ACOT12: variants seen among roughly 807,000 people sequenced by gnomAD.
ACOT12 encodes the protein acyl-CoA thioesterase 12.
A neutral mutation model predicts 67.7 loss-of-function variants in ACOT12; 51 were observed. That is an observed-to-expected ratio of 0.75 (90% CI 0.60 to 0.95). The LOEUF (loss-of-function observed/expected upper bound fraction) is 0.95, where lower values mean the gene tolerates loss of function less well. ACOT12 is among the 40% of genes least tolerant of loss of function. ACOT12 has a pLI of 0.00. For missense variants in ACOT12, 734 were observed against 708.1 expected (o/e 1.04, Z -0.41); for synonymous variants, 251 against 244.6 (o/e 1.03, Z -0.24).
At position 81,385,740 on chromosome 5, in the gene ACOT12, G is replaced by A; in HGVS notation, c.197+17C>T. On this transcript the variant is annotated intron_variant, in intron 2 of 14. Coordinates refer to ENST00000307624, the MANE Select transcript of ACOT12 (RefSeq NM_130767.3). ...CACAAACCCAGGAGAAAGGAGCCATGGAGCAATGTCACTTACCTAGCTGTC... is the reference window on the plus strand; with the variant it reads ...CACAAACCCAGGAGAAAGGAGCCATAGAGCAATGTCACTTACCTAGCTGTC... The A allele has an allele frequency of 6.2e-7, 1 of 1,613,314 alleles. No individual in the cohort carries two copies. The highest frequency in any genetic ancestry group is 1.1e-5 in the South Asian group (1 of 91,034).
chr5:81,332,728 T>C, intron 12 of ACOT12, 123 bp from the exon 13 acceptor site: 2 of 1,171,532 alleles, frequency 1.7e-6, no homozygotes, highest in Admixed American at 2.1e-5. Context: ...CACCTAATCA[T>C]CTCCCTAAAA....
intron 2 of ACOT12, among the ~76,000 whole-genome samples, chr5:81,378,151 G>A (rs1307366514): frequency 1.3e-5 from 2 of 152,226 alleles, no homozygotes; most frequent in Admixed American, 1.3e-4. Context: ...TAGACCAATG[G>A]AACAGAACAG....
chr5:81,330,817 G>A lies in ACOT12; in HGVS notation c.1515C>T (p.Cys505=). The change falls in exon 14 of 15, where the codon TGC becomes TGT. Residue 505 remains cysteine (C), a synonymous_variant. Transcript: ENST00000307624. ...FLIHAIDSNS[C]IVSYFNHMSA... is the part of the protein sequence containing the mutation. ...GCAGATGTTTCATCAAACTTACGATGCATGAATTGCTGTCAATAGCATGGA... is the reference window on the plus strand; with the variant it reads ...GCAGATGTTTCATCAAACTTACGATACATGAATTGCTGTCAATAGCATGGA... The A allele has an allele frequency of 6.2e-7, 1 of 1,613,402 alleles. No homozygotes were observed. Among genetic ancestry groups the A allele is most frequent in the Non-Finnish European group, 8.5e-7 (1 of 1,179,776 alleles).
At chr5:81,336,928 C>T (rs1759022729) in intron 11 of ACOT12, among the ~76,000 whole-genome samples, 1 of 152,184 alleles carries the variant, frequency 6.6e-6, no homozygotes, top group African/African-American at 2.4e-5. Flanking sequence ...TGATTATTTG[C>T]TTACACCATT....
the ACOT12 span, among the ~76,000 whole-genome samples, chr5:81,321,111 C>G: frequency 2.0e-5 from 3 of 152,142 alleles, no homozygotes; most frequent in Non-Finnish European, 4.4e-5. Flanking sequence ...CAAAATTCAG[C>G]AGAACGTGGT....
At chr5:81,387,789 C>T (rs1484638864) in intron 1 of ACOT12, among the ~76,000 whole-genome samples, 1 of 152,180 alleles carries the variant, frequency 6.6e-6, no homozygotes, top group Admixed American at 6.5e-5. Context: ...AAGTGATCCT[C>T]CTGCCTTGGC....
chr5:81,370,408 C>T (rs1760214007), intron 3 of ACOT12, among the ~76,000 whole-genome samples: 1 of 152,228 alleles, frequency 6.6e-6, no homozygotes, highest in Non-Finnish European at 1.5e-5. Flanking sequence ...TCCTAACCCC[C>T]AGTACCTTAG....
intron 1 of ACOT12, among the ~76,000 whole-genome samples, chr5:81,387,389 C>A (rs889272521): frequency 4.6e-5 from 7 of 152,110 alleles, no homozygotes; most frequent in Non-Finnish European, 8.8e-5. Flanking sequence ...TGAAACCTTG[C>A]AAATATATGC....
Position 81,332,553 on chromosome 5 carries a change from T to G in ACOT12, c.1315A>C (p.Thr439Pro). Residue 439 changes from threonine to proline, a missense_variant, in exon 13 of 15, where the codon ACC becomes CCC. Thr to Pro is a conservative substitution (Grantham distance 38, BLOSUM62 -1). Transcript: ENST00000307624. ...VSEDDQLYHITCPILNDDKPK... is the reference protein window; with the variant it reads ...VSEDDQLYHIPCPILNDDKPK... ...TTGTCATCATTCAGTATAGGACAGG[T>G]GATGTGATACAGCTGATCATCTTCA... is the stretch of plus-strand genomic sequence containing the variant. The G allele has an allele frequency of 6.2e-7, 1 of 1,614,062 alleles. No homozygotes were observed. The highest frequency in any genetic ancestry group is 8.5e-7 in the Non-Finnish European group (1 of 1,179,996).
the ACOT12 span, among the ~76,000 whole-genome samples, chr5:81,323,117 TA>T: frequency 7.1e-6 from 1 of 140,090 alleles, no homozygotes; most frequent in African/African-American, 2.6e-5. Flanking sequence ...GAGAGACCAA[TA>T]TGGCTGGAAA....
intron 5 of ACOT12, among the ~76,000 whole-genome samples, chr5:81,359,238 C>T (rs532167870): frequency 1.4e-3 from 210 of 152,222 alleles, no homozygotes; most frequent in Non-Finnish European, 2.8e-3. Flanking sequence ...GTGCTCTCCA[C>T]CGGCACCCCT....
chr5:81,384,100 T>G (rs565596071), intron 2 of ACOT12, among the ~76,000 whole-genome samples: 1 of 149,558 alleles, frequency 6.7e-6, no homozygotes, highest in Admixed American at 6.7e-5. Context: ...CATGGTTAAG[T>G]GCCCTACATA....
At chr5:81,315,225 C>G in the ACOT12 span, among the ~76,000 whole-genome samples, 1 of 152,054 alleles carries the variant, frequency 6.6e-6, no homozygotes, top group South Asian at 2.1e-4. Flanking sequence ...GTGAGTTTAC[C>G]TTTTTGTCTC....
chr5:81,342,697 C>T lies in ACOT12; in HGVS notation c.1103G>A (p.Trp368Ter). The change falls in exon 11 of 15, where the codon TGG becomes TAG. Residue 368 changes from tryptophan to a stop codon, truncating the protein, a stop_gained. Coordinates refer to ENST00000307624, the MANE Select transcript of ACOT12 (RefSeq NM_130767.3). LOFTEE classifies it high-confidence loss of function. Reference sequence around the variant, plus strand: ...CTTTTCCACAGTGCTGGTAACCTCCCAACCCCTTTTGGCTGCCAGTTTTTT... The same window carrying T: ...CTTTTCCACAGTGCTGGTAACCTCCTAACCCCTTTTGGCTGCCAGTTTTTT... ...ALKKLAAKRG[W>*]EVTSTVEKIK... 6.2e-7 allele frequency: 1 copy of T among 1,614,200 alleles called. No homozygotes were observed. Among genetic ancestry groups the T allele is most frequent in the South Asian group, 1.1e-5 (1 of 91,082 alleles).
intron 5 of ACOT12, among the ~76,000 whole-genome samples, chr5:81,348,582 T>C (rs1386260695): frequency 2.0e-5 from 3 of 152,154 alleles, no homozygotes; most frequent in Non-Finnish European, 4.4e-5. Context: ...CTCTCTTTTT[T>C]TTTAGACAGT....
intron 5 of ACOT12, among the ~76,000 whole-genome samples, chr5:81,349,960 G>C (rs1759502884): frequency 6.6e-6 from 1 of 152,194 alleles, no homozygotes; most frequent in East Asian, 1.9e-4. Context: ...GTGTGGAAGA[G>C]TATCTCACGT....
chr5:81,316,084 TGGG>T, the ACOT12 span, among the ~76,000 whole-genome samples: 13 of 152,302 alleles, frequency 8.5e-5, no homozygotes, highest in East Asian at 2.3e-3. Context: ...AGAGAGGTGG[TGGG>T]GGCAGTATCA....
chr5:81,363,684 T>A, intron 4 of ACOT12, 104 bp downstream of exon 4: 2 of 720,404 alleles, frequency 2.8e-6, no homozygotes, highest in Non-Finnish European at 2.1e-6. Flanking sequence ...GGGAAGTATA[T>A]CTCATGGAAA....
the ACOT12 span, among the ~76,000 whole-genome samples, chr5:81,323,083 G>GAAAAAAAAAAAAAAAAAAAAA: frequency 9.6e-6 from 1 of 104,068 alleles, no homozygotes. Context: ...ATAGCAAAAA[G>GAAAAAAAAAAAAAAAAAAAAA]AAAAAAAAAA....
Sources: allele counts gnomAD v4.1 joint callset (sites outside exome capture counted in the v4.1 genomes callset), GRCh38; gene constraint gnomAD v4.1.1; transcripts MANE v1.5; gene names NCBI Gene and HGNC (gene_info 2026-07-23, HGNC 2026-07-21).